Variants in ACVR1 observed in about 807,000 individuals in gnomAD.
ACVR1 encodes the protein activin A receptor type 1.
ACVR1 carries 38 observed loss-of-function variants against 57.1 expected under a neutral mutation model. That is an observed-to-expected ratio of 0.67 (90% CI 0.51 to 0.87). ACVR1 has a LOEUF of 0.87. Ranked by LOEUF, ACVR1 falls within the 40% of genes least tolerant of loss-of-function variation. The pLI is 0.00. For synonymous variants in ACVR1, 212 were observed against 228.1 expected, an observed-to-expected ratio of 0.93 and a Z score of 0.63; for missense variants, 463 against 638.2, an observed-to-expected ratio of 0.73 and a Z score of 2.96.
chr2:157,812,509 C>T (rs1687785118), intron 2 of ACVR1, among the ~76,000 whole-genome samples: 1 of 152,016 alleles, frequency 6.6e-6, no homozygotes, highest in Non-Finnish European at 1.5e-5. Flanking sequence ...AAAAAATTCA[C>T]CTTGTAATTA....
intron 1 of ACVR1, among the ~76,000 whole-genome samples, chr2:157,844,471 C>T (rs1305446611): frequency 6.6e-6 from 1 of 152,020 alleles, no homozygotes; most frequent in Admixed American, 6.6e-5. Flanking sequence ...TTACTCCACA[C>T]CAAAAGTACA....
intron 5 of ACVR1, 39 bp from the exon 6 acceptor site, chr2:157,774,226 A>G: frequency 6.5e-7 from 1 of 1,528,158 alleles, no homozygotes; most frequent in Non-Finnish European, 9.1e-7. Flanking sequence ...ACGATTGAGC[A>G]ATATAGCTCC....
At chr2:157,774,999 C>T (rs1374611991) in intron 5 of ACVR1, among the ~76,000 whole-genome samples, 1 of 152,138 alleles carries the variant, frequency 6.6e-6, no homozygotes, top group Non-Finnish European at 1.5e-5. Context: ...AACTAAGGAA[C>T]TCTAATTAGG....
chr2:157,823,465 G>C (rs983036533), intron 1 of ACVR1, among the ~76,000 whole-genome samples: 6 of 152,080 alleles, frequency 3.9e-5, no homozygotes, highest in African/African-American at 1.2e-4. Flanking sequence ...AAAAGCCGGG[G>C]AACGAGGGCA....
chr2:157,848,477 T>C (rs1574143856), intron 1 of ACVR1, among the ~76,000 whole-genome samples: 1 of 152,290 alleles, frequency 6.6e-6, no homozygotes, highest in East Asian at 1.9e-4. Flanking sequence ...TTTGGATGAT[T>C]CCAGCCCCCA....
At chr2:157,835,728 A>G (rs1688760331) in intron 1 of ACVR1, among the ~76,000 whole-genome samples, 1 of 152,226 alleles carries the variant, frequency 6.6e-6, no homozygotes, top group Admixed American at 6.5e-5. Flanking sequence ...GCCCCACAGT[A>G]GGGCTGAAAA....
intron 9 of ACVR1, among the ~76,000 whole-genome samples, chr2:157,741,956 A>G (rs1684788989): frequency 6.6e-6 from 1 of 152,110 alleles, no homozygotes; most frequent in African/African-American, 2.4e-5. Context: ...GAGTGGGTGC[A>G]TTCCAGGCAG....
intron 2 of ACVR1, among the ~76,000 whole-genome samples, chr2:157,804,889 T>G (rs1185976589): frequency 6.6e-6 from 1 of 152,196 alleles, no homozygotes; most frequent in South Asian, 2.1e-4. Flanking sequence ...CTGTATGTAG[T>G]TAAGAAGCTA....
At chr2:157,754,485 G>A (rs561679298) in intron 9 of ACVR1, among the ~76,000 whole-genome samples, 4 of 152,128 alleles carry the variant, frequency 2.6e-5, no homozygotes, top group South Asian at 4.2e-4. Flanking sequence ...ATACCTTAAC[G>A]TGCATAAACT....
chr2:157,755,864 C>G (rs1685407293), intron 9 of ACVR1, among the ~76,000 whole-genome samples: 2 of 152,018 alleles, frequency 1.3e-5, no homozygotes, highest in African/African-American at 2.4e-5. Flanking sequence ...CAAAGCAAGA[C>G]TAAGCAAAAG....
intron 1 of ACVR1, among the ~76,000 whole-genome samples, chr2:157,829,824 T>C (rs1038797118): frequency 4.6e-5 from 7 of 152,210 alleles, no homozygotes; most frequent in African/African-American, 1.7e-4. Context: ...TAAAAGTGCA[T>C]TTTAATTTTT....
intron 1 of ACVR1, chr2:157,875,012 G>C (rs1272088152): frequency 6.6e-6 from 1 of 151,982 alleles, no homozygotes; most frequent in Non-Finnish European, 1.5e-5. Context: ...GGGTGGGGAG[G>C]GGGTGGGAGA....
At chr2:157,804,066 G>A (rs1160504474) in intron 2 of ACVR1, among the ~76,000 whole-genome samples, 1 of 152,082 alleles carries the variant, frequency 6.6e-6, no homozygotes, top group East Asian at 1.9e-4. Context: ...ACATGTACTG[G>A]CTGAACTATA....
intron 6 of ACVR1, among the ~76,000 whole-genome samples, chr2:157,772,343 T>C (rs908229211): frequency 2.0e-5 from 3 of 152,172 alleles, no homozygotes; most frequent in Admixed American, 6.5e-5. Context: ...CAACTTCCCA[T>C]GTTTTTGAAC....
At chr2:157,852,008 C>G (rs1212782878) in intron 1 of ACVR1, among the ~76,000 whole-genome samples, 2 of 149,528 alleles carry the variant, frequency 1.3e-5, no homozygotes, top group African/African-American at 4.9e-5. Flanking sequence ...CTGAAGAAGA[C>G]TACAGGCTGA....
chr2:157,860,295 C>T (rs2105375927), intron 1 of ACVR1: 1 of 152,408 alleles, frequency 6.6e-6, no homozygotes, highest in African/African-American at 2.4e-5. Flanking sequence ...CAGGATATCC[C>T]TCAGTCTCCG....
rs371157278 is a variant in ACVR1, at chr2:157,774,063, C to G, written c.643+25G>C. 26 of 1,601,550 alleles carry G rather than the reference C, an allele frequency of 1.6e-5. No individual in the cohort carries two copies. The African/African-American group carries it at 3.4e-4, about 21-fold the overall frequency. The stretch of plus-strand genomic sequence containing the variant: ...CAAAACTAACATTGCATATTACCCA[C>G]AAAGAAAGGAAAAAAAAGAATTACC... On this transcript the variant is annotated intron_variant, in intron 6 of 10. Coordinates refer to ENST00000434821, the MANE Select transcript of ACVR1 (RefSeq NM_001111067.4).
intron 1 of ACVR1, among the ~76,000 whole-genome samples, chr2:157,854,141 T>C (rs548759744): frequency 6.6e-6 from 1 of 151,152 alleles, no homozygotes; most frequent in South Asian, 2.1e-4. Flanking sequence ...AGCACATAGT[T>C]AGTATTCAAA....
intron 1 of ACVR1, among the ~76,000 whole-genome samples, chr2:157,856,706 A>G (rs1434849814): frequency 6.6e-6 from 1 of 152,204 alleles, no homozygotes; most frequent in Admixed American, 6.5e-5. Context: ...GGCCGCTTCC[A>G]CTATAGATGA....
Sources: gnomAD v4.1 joint callset for allele counts (sites outside exome capture counted in the v4.1 genomes callset) on GRCh38, gnomAD v4.1.1 for gene constraint, MANE v1.5 for transcripts, NCBI Gene and HGNC (gene_info 2026-07-23, HGNC 2026-07-21) for gene names.